Variants in EML4 observed in about 807,000 individuals in gnomAD.
EML4 encodes the protein EMAP like 4.
Under a neutral mutation model 129.0 loss-of-function variants are expected in EML4, and 72 were observed. The observed-to-expected ratio is 0.56, with a 90% CI of 0.46 to 0.68. The LOEUF (loss-of-function observed/expected upper bound fraction) is 0.68, where lower values mean the gene tolerates loss of function less well. Among genes scored for constraint, EML4 ranks in the 30% least tolerant of loss-of-function variants. The pLI is 0.00. For synonymous variants in EML4, 532 were observed against 405.0 expected, an observed-to-expected ratio of 1.31 and a Z score of -3.77; for missense variants, 1,363 against 1,190.6, an observed-to-expected ratio of 1.14 and a Z score of -2.13.
At chr2:42,238,320 T>G (rs1030561294) in intron 1 of EML4, among the ~76,000 whole-genome samples, 1 of 152,218 alleles carries the variant, frequency 6.6e-6, no homozygotes, top group Non-Finnish European at 1.5e-5. Flanking sequence ...TATAAACAGT[T>G]CAAAAAGCTT....
chr2:42,220,194 T>C (rs1212820772), intron 1 of EML4, among the ~76,000 whole-genome samples: 1 of 151,826 alleles, frequency 6.6e-6, no homozygotes, highest in East Asian at 1.9e-4. Context: ...AGGCATACTT[T>C]GTTTTATTGT....
chr2:42,249,616 G>C lies in EML4; in HGVS notation c.208+3929G>C, dbSNP rs142301809. ...TGTGCTAAGGGCTTAATGAAATTCT[G>C]CTACGTTGCTTCATAGTAGTATTGC... On this transcript the variant is annotated intron_variant, in intron 2 of 22. Coordinates refer to ENST00000318522, the MANE Select transcript of EML4 (RefSeq NM_019063.5). 1.3e-3 allele frequency among the ~76,000 whole-genome samples: 202 copies of C among 152,284 alleles called. 1 individual carries two copies. Among genetic ancestry groups the C allele is most frequent in the African/African-American group, 4.7e-3 (195 of 41,562 alleles).
chr2:42,223,711 G>C (rs1376095775), intron 1 of EML4, among the ~76,000 whole-genome samples: 2 of 152,042 alleles, frequency 1.3e-5, no homozygotes, highest in Non-Finnish European at 2.9e-5. Context: ...GATACTGTAA[G>C]AAACATCTTT....
intron 1 of EML4, among the ~76,000 whole-genome samples, chr2:42,200,362 A>C (rs941797938): frequency 6.6e-6 from 1 of 151,978 alleles, no homozygotes; most frequent in South Asian, 2.1e-4. Context: ...AGACAAGGGG[A>C]AAAAGAAAGA....
rs1668480529 is a variant in EML4 at position 42,304,480 on chromosome 2, C to G, written c.1900-4C>G. On this transcript the variant is annotated splice_polypyrimidine_tract_variant and splice_region_variant and intron_variant, in intron 16 of 22. Transcript: ENST00000318522. ...TCCCCAACAGCTGTCTGTCTCTTTT[C>G]TAGGAACCAGGACACTGTGCAGATT... is the stretch of plus-strand genomic sequence containing the variant. 2 of 1,613,680 alleles carry G rather than the reference C, an allele frequency of 1.2e-6. No homozygotes were observed. Among genetic ancestry groups the G allele is most frequent in the South Asian group, 1.1e-5 (1 of 91,050 alleles).
At chr2:42,172,875 A>G (rs1241133657) in intron 1 of EML4, among the ~76,000 whole-genome samples, 1 of 152,200 alleles carries the variant, frequency 6.6e-6, no homozygotes, top group Non-Finnish European at 1.5e-5. Context: ...AATCTCTTTC[A>G]TAATAGAGGT....
At chr2:42,285,958 A>G (rs1439226) in intron 9 of EML4, 92,967 of 314,974 alleles carry the variant, frequency 0.3, 15,078 homozygotes, top group East Asian at 0.55. Flanking sequence ...CTGTATTCCA[A>G]TTTCTTCATC....
At chr2:42,169,848 T>C in intron 1 of EML4, 1 of 455,788 alleles carries the variant, frequency 2.2e-6, no homozygotes. Context: ...AGACCCTCCT[T>C]TCCTCCCGGA....
At chr2:42,202,339 G>A (rs1318934291) in intron 1 of EML4, among the ~76,000 whole-genome samples, 3 of 152,014 alleles carry the variant, frequency 2.0e-5, no homozygotes, top group East Asian at 3.9e-4. Flanking sequence ...CCAGTAGTTC[G>A]AGACTAGCCT....
At chr2:42,213,520 C>G (rs57439184) in intron 1 of EML4, among the ~76,000 whole-genome samples, 4,586 of 152,272 alleles carry the variant, frequency 0.03, 229 homozygotes, top group African/African-American at 0.1. Flanking sequence ...TTAAGAAATT[C>G]TGGTAGTTTA....
At chr2:42,187,653 T>G (rs2719131) in intron 1 of EML4, among the ~76,000 whole-genome samples, 92,185 of 151,746 alleles carry the variant, frequency 0.61, 28,525 homozygotes, top group East Asian at 0.74. Context: ...CTATGAATTC[T>G]CCTATTTGGT....
intron 17 of EML4, among the ~76,000 whole-genome samples, chr2:42,312,953 T>C (rs1669043777): frequency 1.4e-5 from 2 of 146,984 alleles, no homozygotes; most frequent in Non-Finnish European, 3.0e-5. Flanking sequence ...TATCTTTTTT[T>C]TTTTTTTTTT....
At chr2:42,260,276 T>C (rs570619827) in intron 3 of EML4, among the ~76,000 whole-genome samples, 2 of 152,202 alleles carry the variant, frequency 1.3e-5, no homozygotes, top group Non-Finnish European at 2.9e-5. Flanking sequence ...CAAGTGATTC[T>C]CCTGCCTCAG....
chr2:42,319,712 CTG>C (rs1669422238), intron 19 of EML4: 2 of 152,172 alleles, frequency 1.3e-5, no homozygotes, highest in African/African-American at 4.8e-5. Context: ...TATCTTAAAA[CTG>C]GAGTTTATAA....
At chr2:42,306,958 A>G (rs964592497) in intron 17 of EML4, among the ~76,000 whole-genome samples, 4 of 152,116 alleles carry the variant, frequency 2.6e-5, no homozygotes, top group East Asian at 1.9e-4. Context: ...CTCTAATCCA[A>G]CAGTACTCTT....
At chr2:42,187,139 G>T (rs1009158375) in intron 1 of EML4, among the ~76,000 whole-genome samples, 1 of 151,810 alleles carries the variant, frequency 6.6e-6, no homozygotes, top group East Asian at 1.9e-4. Flanking sequence ...CAATTCCTGG[G>T]CTCAAGTAAT....
At chr2:42,241,901 A>G (rs1029073527) in intron 1 of EML4, among the ~76,000 whole-genome samples, 2 of 151,868 alleles carry the variant, frequency 1.3e-5, no homozygotes, top group South Asian at 4.2e-4. Flanking sequence ...GGTAATAAAT[A>G]TGAAAGGCAC....
intron 1 of EML4, among the ~76,000 whole-genome samples, chr2:42,177,065 G>C (rs563254759): frequency 6.6e-6 from 1 of 152,132 alleles, no homozygotes; most frequent in Non-Finnish European, 1.5e-5. Flanking sequence ...AGTGCTGGGG[G>C]ATTGCAGGTA....
Position 42,220,423 on chromosome 2 carries a change from C to G in EML4, c.26-25082C>G, listed in dbSNP as rs946643108. On this transcript the variant is annotated intron_variant, in intron 1 of 22. Transcript: ENST00000318522. ...CTTACGGTGACCTGTGATCCATTAC[C>G]TTTGATGTTACTGTTGTAATTGTTT... 4.6e-5 allele frequency among the ~76,000 whole-genome samples: 7 copies of G among 152,038 alleles called. No homozygotes were observed. The East Asian group carries it at 1.2e-3, about 25-fold the overall frequency.
Sources: allele counts gnomAD v4.1 joint callset (sites outside exome capture counted in the v4.1 genomes callset), GRCh38; gene constraint gnomAD v4.1.1; transcripts MANE v1.5; gene names NCBI Gene and HGNC (gene_info 2026-07-23, HGNC 2026-07-21).